LYPLAL1: variants seen among roughly 807,000 people sequenced by gnomAD.
LYPLAL1 encodes the protein lysophospholipase like 1.
A neutral mutation model predicts 19.7 loss-of-function variants in LYPLAL1; 23 were observed. The observed-to-expected ratio is 1.17, with a 90% confidence interval of 0.84 to 1.65. LYPLAL1 has a LOEUF of 1.65. Ranked by LOEUF, LYPLAL1 falls within the 40% of genes most tolerant of loss-of-function variation. The probability of loss-of-function intolerance (pLI) is 0.00; values close to 1 mark genes in which losing one functional copy is unlikely to be tolerated. For synonymous variants in LYPLAL1, 119 were observed against 96.3 expected, an observed-to-expected ratio of 1.24 and a Z score of -1.38; for missense variants, 355 against 279.4, an observed-to-expected ratio of 1.27 and a Z score of -1.93.
the LYPLAL1 span, among the ~76,000 whole-genome samples, chr1:219,363,755 G>A: frequency 6.6e-6 from 1 of 152,176 alleles, no homozygotes; most frequent in African/African-American, 2.4e-5. Flanking sequence ...GGCAGACTCT[G>A]ATGGTTGGCA....
At chr1:219,256,038 T>C in the LYPLAL1 span, among the ~76,000 whole-genome samples, 2 of 151,876 alleles carry the variant, frequency 1.3e-5, no homozygotes, top group Admixed American at 1.3e-4. Flanking sequence ...TTTTCCTTTT[T>C]GTAATATTCT....
the LYPLAL1 span, among the ~76,000 whole-genome samples, chr1:219,385,284 G>A: frequency 6.6e-6 from 1 of 152,136 alleles, no homozygotes; most frequent in Non-Finnish European, 1.5e-5. Context: ...TCAGTTCTGA[G>A]ATAGAGTGGA....
chr1:219,184,811 A>G lies in LYPLAL1; in HGVS notation c.191+5565A>G, dbSNP rs192553310. 3.0e-4 allele frequency among the ~76,000 whole-genome samples: 46 copies of G among 151,920 alleles called. 1 individual carries two copies. In the East Asian group the frequency reaches 8.9e-3, roughly 29 times the overall value. On this transcript the variant is annotated intron_variant, in intron 2 of 4. Transcript: ENST00000366928. ...TTTTGTAATGTATTATCCTTTTTATATGTATCTAAATTTGTTTTGCTAATA... is the reference window on the plus strand; with the variant it reads ...TTTTGTAATGTATTATCCTTTTTATGTGTATCTAAATTTGTTTTGCTAATA...
the LYPLAL1 span, among the ~76,000 whole-genome samples, chr1:219,380,889 G>A: frequency 6.6e-6 from 1 of 152,142 alleles, no homozygotes; most frequent in African/African-American, 2.4e-5. Flanking sequence ...TAATAAAATT[G>A]TATTTATGCA....
At chr1:219,421,085 T>C in the LYPLAL1 span, among the ~76,000 whole-genome samples, 1 of 152,322 alleles carries the variant, frequency 6.6e-6, no homozygotes, top group East Asian at 1.9e-4. Flanking sequence ...TGCTTGAGAT[T>C]TGACATGGCC....
At chr1:219,299,792 C>T in the LYPLAL1 span, among the ~76,000 whole-genome samples, 2 of 152,158 alleles carry the variant, frequency 1.3e-5, no homozygotes, top group African/African-American at 4.8e-5. Flanking sequence ...TTATCACTAC[C>T]TACCACTTGC....
At chr1:219,209,784 ATC>A (rs1658851745) in intron 3 of LYPLAL1, among the ~76,000 whole-genome samples, 1 of 152,056 alleles carries the variant, frequency 6.6e-6, no homozygotes, top group African/African-American at 2.4e-5. Flanking sequence ...CATAACAGCT[ATC>A]TCCATATTCT....
At chr1:219,369,489 G>T in the LYPLAL1 span, among the ~76,000 whole-genome samples, 1 of 152,214 alleles carries the variant, frequency 6.6e-6, no homozygotes, top group Non-Finnish European at 1.5e-5. Flanking sequence ...GGCCAAGCTG[G>T]TCTCAAACTC....
At chr1:219,247,237 C>T in the LYPLAL1 span, among the ~76,000 whole-genome samples, 1 of 152,124 alleles carries the variant, frequency 6.6e-6, no homozygotes, top group Non-Finnish European at 1.5e-5. Context: ...AATGTTCATT[C>T]CTTTTACTCC....
the LYPLAL1 span, among the ~76,000 whole-genome samples, chr1:219,403,712 T>G: frequency 1.3e-5 from 2 of 152,202 alleles, no homozygotes; most frequent in Non-Finnish European, 2.9e-5. Flanking sequence ...GCAGAAAGAT[T>G]AGAAGACTGT....
chr1:219,340,008 A>G, the LYPLAL1 span, among the ~76,000 whole-genome samples: 6 of 152,034 alleles, frequency 3.9e-5, no homozygotes, highest in Admixed American at 3.3e-4. Context: ...TGTTTTCTCC[A>G]GGATTCTAAG....
the LYPLAL1 span, among the ~76,000 whole-genome samples, chr1:219,361,720 A>G: frequency 6.6e-6 from 1 of 152,080 alleles, no homozygotes; most frequent in Non-Finnish European, 1.5e-5. Flanking sequence ...ACACACGATG[A>G]CCTCCAGAAG....
chr1:219,396,708 T>C, the LYPLAL1 span, among the ~76,000 whole-genome samples: 1 of 152,240 alleles, frequency 6.6e-6, no homozygotes, highest in African/African-American at 2.4e-5. Context: ...TGAAATTGTG[T>C]TCTGATTTTG....
the LYPLAL1 span, among the ~76,000 whole-genome samples, chr1:219,438,625 T>C: frequency 2.6e-5 from 4 of 152,204 alleles, no homozygotes; most frequent in South Asian, 4.1e-4. Context: ...ACAACAATTA[T>C]AAACACATTT....
the LYPLAL1 span, among the ~76,000 whole-genome samples, chr1:219,290,126 C>T: frequency 6.6e-6 from 1 of 152,154 alleles, no homozygotes; most frequent in African/African-American, 2.4e-5. Context: ...TTGCTAAGAC[C>T]CATCAGAATG....
chr1:219,200,643 TC>T (rs1423906115), intron 3 of LYPLAL1: 1 of 215,708 alleles, frequency 4.6e-6, no homozygotes, highest in African/African-American at 2.3e-5. Context: ...GGGGTAGTGT[TC>T]CTGATGCCAC....
the LYPLAL1 span, among the ~76,000 whole-genome samples, chr1:219,377,392 A>G: frequency 1.3e-5 from 2 of 152,278 alleles, no homozygotes; most frequent in African/African-American, 4.8e-5. Context: ...GAGAAGATAA[A>G]AATCTTCTGG....
chr1:219,375,772 C>T, the LYPLAL1 span, among the ~76,000 whole-genome samples: 610 of 145,888 alleles, frequency 4.2e-3, 8 homozygotes, highest in African/African-American at 0.015. Context: ...GGCAGAGTCT[C>T]GCTCTGTCGT....
At chr1:219,441,728 GAGAC>G in the LYPLAL1 span, among the ~76,000 whole-genome samples, 1 of 152,168 alleles carries the variant, frequency 6.6e-6, no homozygotes, top group African/African-American at 2.4e-5. Flanking sequence ...AGCAGAGCGA[GAGAC>G]AGAGAAAGAG....
Sources: allele counts gnomAD v4.1 joint callset (sites outside exome capture counted in the v4.1 genomes callset), GRCh38; gene constraint gnomAD v4.1.1; transcripts MANE v1.5; gene names NCBI Gene and HGNC (gene_info 2026-07-23, HGNC 2026-07-21).